The following RAPGEF2 variants were observed in gnomAD, a reference collection of about 807,000 sequenced individuals.
The protein encoded by RAPGEF2 is Rap guanine nucleotide exchange factor 2.
A neutral mutation model predicts 186.7 loss-of-function variants in RAPGEF2; 54 were observed. The observed-to-expected ratio is 0.29, with a 90% CI of 0.23 to 0.36. The LOEUF is 0.36. Among genes scored for constraint, RAPGEF2 ranks in the 10% least tolerant of loss-of-function variants. The probability of loss-of-function intolerance (pLI) is 1.00; values close to 1 mark genes in which losing one functional copy is unlikely to be tolerated. For missense variants in RAPGEF2, 1,532 were observed against 2,045.0 expected (o/e 0.75, Z 4.84); for synonymous variants, 712 against 705.9 (o/e 1.01, Z -0.14).
At chr4:159,142,314 G>T (rs1384219337) in intron 1 of RAPGEF2, among the ~76,000 whole-genome samples, 1 of 152,046 alleles carries the variant, frequency 6.6e-6, no homozygotes, top group Non-Finnish European at 1.5e-5. Context: ...TTAAACCTCG[G>T]TTGATTTCTG....
intron 11 of RAPGEF2, chr4:159,326,744 C>G (rs1387187088): frequency 6.6e-6 from 1 of 152,002 alleles, no homozygotes; most frequent in African/African-American, 2.4e-5. Context: ...CCCACATGTA[C>G]CTCTTTCTTT....
intron 1 of RAPGEF2, among the ~76,000 whole-genome samples, chr4:159,177,388 G>A (rs1309564951): frequency 6.6e-6 from 1 of 152,004 alleles, no homozygotes; most frequent in Non-Finnish European, 1.5e-5. Context: ...TCCAGGATCT[G>A]ATTTTGCCAT....
At chr4:159,105,279 AT>A (rs1553991976) in intron 1 of RAPGEF2, among the ~76,000 whole-genome samples, 1 of 152,252 alleles carries the variant, frequency 6.6e-6, no homozygotes, top group Non-Finnish European at 1.5e-5. Context: ...ACCATCAGAC[AT>A]TTAGGATCTA....
intron 10 of RAPGEF2, 38 bp from the exon 11 acceptor site, chr4:159,323,421 A>G: frequency 1.3e-6 from 2 of 1,527,056 alleles, no homozygotes; most frequent in Non-Finnish European, 1.8e-6. Flanking sequence ...TATGATCATG[A>G]TGTTACTTTC....
At chr4:159,106,429 TG>T (rs1737892262) in intron 1 of RAPGEF2, among the ~76,000 whole-genome samples, 1 of 152,222 alleles carries the variant, frequency 6.6e-6, no homozygotes, top group Admixed American at 6.5e-5. Flanking sequence ...AAAAAGTTTT[TG>T]TAGAAGGTAC....
At chr4:159,260,561 A>G (rs781429657) in intron 7 of RAPGEF2, among the ~76,000 whole-genome samples, 1 of 152,072 alleles carries the variant, frequency 6.6e-6, no homozygotes, top group Non-Finnish European at 1.5e-5. Context: ...GAACTACTTA[A>G]TGCAGTTTAG....
intron 8 of RAPGEF2, among the ~76,000 whole-genome samples, chr4:159,306,978 G>A (rs1442121218): frequency 6.6e-6 from 1 of 152,102 alleles, no homozygotes; most frequent in Non-Finnish European, 1.5e-5. Flanking sequence ...TAATTGTTAA[G>A]AAACATTTTA....
intron 7 of RAPGEF2, among the ~76,000 whole-genome samples, chr4:159,288,001 C>CTG (rs1760731733): frequency 6.6e-6 from 1 of 152,210 alleles, no homozygotes; most frequent in East Asian, 1.9e-4. Context: ...GTTCTCACAA[C>CTG]TGTCTTGTTA....
At chr4:159,208,260 A>G (rs778695289) in intron 3 of RAPGEF2, among the ~76,000 whole-genome samples, 80 of 152,262 alleles carry the variant, frequency 5.3e-4, no homozygotes, top group Non-Finnish European at 1.0e-3. Flanking sequence ...AATAGAATTT[A>G]GTGTCTTCTA....
In RAPGEF2 at chr4:159,359,857, CA is replaced by C. The variant is rs1454756972; in HGVS notation, c.*1721del. On this transcript the variant is annotated 3_prime_UTR_variant, in exon 30 of 30. Transcript: ENST00000691494. ...AAATCTAGCTCTACCACAAGTTGCA[CA>C]AATGTTATCTAAGCATTAAGTAATT... The C allele has an allele frequency of 2.6e-5, 4 of 152,172 alleles. No individual in the cohort carries two copies. Among genetic ancestry groups the C allele is most frequent in the African/African-American group, 9.7e-5 (4 of 41,446 alleles). 9.4% of individuals were successfully genotyped at this position (152,172 alleles called of 1,614,324 possible).
chr4:159,185,617 C>T (rs1747479016), intron 1 of RAPGEF2, among the ~76,000 whole-genome samples: 1 of 152,118 alleles, frequency 6.6e-6, no homozygotes, highest in African/African-American at 2.4e-5. Flanking sequence ...CCAGAATAGG[C>T]AAACTCATAG....
chr4:159,122,591 A>C (rs1739824313), intron 1 of RAPGEF2, among the ~76,000 whole-genome samples: 1 of 152,256 alleles, frequency 6.6e-6, no homozygotes, highest in Non-Finnish European at 1.5e-5. Context: ...GCATTAAATC[A>C]TAACTGCATA....
chr4:159,120,044 G>T (rs1739489102), intron 1 of RAPGEF2, among the ~76,000 whole-genome samples: 1 of 151,948 alleles, frequency 6.6e-6, no homozygotes, highest in African/African-American at 2.4e-5. Flanking sequence ...GTTTTTTTGA[G>T]TCAGAGTCTC....
At position 159,358,206 on chromosome 4, in the gene RAPGEF2, T is replaced by C; in HGVS notation, c.*67T>C. 1 of 1,491,830 alleles carries C rather than the reference T, an allele frequency of 6.7e-7. No individual in the cohort carries two copies. The highest frequency in any genetic ancestry group is 9.2e-7 in the Non-Finnish European group (1 of 1,090,774). 92.4% of individuals were successfully genotyped at this position (1,491,830 alleles called of 1,614,324 possible). A position where few individuals can be genotyped will look rare whatever the true frequency, so the allele number is the denominator to read the frequency against. ...AGAGCACAAGAAGACGTCCTGAGCA[T>C]TGGAGCCTTGGAACTCACATTCTGA... On this transcript the variant is annotated 3_prime_UTR_variant, in exon 30 of 30. Coordinates refer to ENST00000691494, the MANE Select transcript of RAPGEF2 (RefSeq NM_001394067.2).
intron 2 of RAPGEF2, among the ~76,000 whole-genome samples, chr4:159,192,426 A>G (rs984227695): frequency 6.6e-6 from 1 of 152,196 alleles, no homozygotes; most frequent in Non-Finnish European, 1.5e-5. Context: ...ACCAAAATGG[A>G]GGTGCTGTTG....
At chr4:159,315,610 A>G (rs1764488406) in intron 9 of RAPGEF2, among the ~76,000 whole-genome samples, 1 of 152,180 alleles carries the variant, frequency 6.6e-6, no homozygotes, top group African/African-American at 2.4e-5. Context: ...TATTGGATAC[A>G]AAACAAAGGG....
At position 159,339,206 on chromosome 4, in the gene RAPGEF2, A is replaced by G; in HGVS notation, c.2386A>G (p.Ile796Val). 1 of 1,614,202 alleles carries G rather than the reference A, an allele frequency of 6.2e-7. No homozygotes were observed. The highest frequency in any genetic ancestry group is 8.5e-7 in the Non-Finnish European group (1 of 1,180,018). ...GGACACTACAGCAAAGGAAGTGGTC[A>G]TTCAGGCTATCAGGGAGTTTGCTGT... ...SKDTTAKEVV[I>V]QAIREFAVTA... Residue 796 changes from isoleucine (I) to valine (V), a missense_variant, in exon 19 of 30, where the codon ATT (isoleucine) becomes GTT (valine). By Grantham distance (29) the Ile-to-Val change is conservative. Around this residue, in one of 4 missense-constraint regions of RAPGEF2, gnomAD observed 810 missense variants for 1,210.5 expected, o/e 0.67. Transcript: ENST00000691494.
intron 8 of RAPGEF2, among the ~76,000 whole-genome samples, chr4:159,309,760 G>A (rs1345023177): frequency 3.9e-5 from 6 of 152,090 alleles, no homozygotes; most frequent in Admixed American, 6.5e-5. Flanking sequence ...TAGGCAAACC[G>A]GAAATAGTTG....
chr4:159,285,643 C>A (rs1760355088), intron 7 of RAPGEF2, among the ~76,000 whole-genome samples: 1 of 152,146 alleles, frequency 6.6e-6, no homozygotes, highest in Admixed American at 6.5e-5. Context: ...TTTTACATTC[C>A]TGTGGGGCTA....
Sources: allele counts gnomAD v4.1 joint callset (sites outside exome capture counted in the v4.1 genomes callset), GRCh38; gene constraint gnomAD v4.1.1; regional missense constraint gnomAD v4.1.1; transcripts MANE v1.5; gene names NCBI Gene and HGNC (gene_info 2026-07-23, HGNC 2026-07-21).